Variants in GABRA3 observed in about 807,000 individuals in gnomAD.
The protein encoded by GABRA3 is gamma-aminobutyric acid type A receptor subunit alpha3, also known as gamma-aminobutyric acid receptor subunit alpha-3.
Under a neutral mutation model 30.1 loss-of-function variants are expected in GABRA3, and 10 were observed. That is an observed-to-expected ratio of 0.33 (90% CI 0.20 to 0.56). The LOEUF is 0.56. GABRA3 is among the 20% of genes least tolerant of loss of function. The pLI, the probability that GABRA3 is intolerant of heterozygous loss-of-function variation, is 0.89. For synonymous variants in GABRA3, 151 were observed against 146.8 expected (o/e 1.03, Z -0.21); for missense variants, 233 against 392.0 (o/e 0.59, Z 3.42).
At chrX:152,422,650 A>G (rs943914257) in intron 1 of GABRA3, among the ~76,000 whole-genome samples, 1 of 111,593 alleles carries the variant, frequency 9.0e-6, no homozygotes, top group East Asian at 2.8e-4. Context: ...GAAATATTTT[A>G]TAGATACTAG....
At chrX:152,300,817 T>C (rs1939617635) in intron 3 of GABRA3, among the ~76,000 whole-genome samples, 1 of 111,888 alleles carries the variant, frequency 8.9e-6, no homozygotes, top group African/African-American at 3.2e-5. Flanking sequence ...GGGAGGCTAA[T>C]AGAAATCATC....
intron 7 of GABRA3, among the ~76,000 whole-genome samples, chrX:152,199,190 C>T (rs1219445328): frequency 3.7e-5 from 4 of 109,071 alleles, no homozygotes; most frequent in Non-Finnish European, 7.6e-5. Context: ...CATGGTGAAA[C>T]CCCATCTCTA....
intron 4 of GABRA3, among the ~76,000 whole-genome samples, chrX:152,270,650 T>A (rs1336320553): frequency 9.2e-6 from 1 of 108,852 alleles, no homozygotes; most frequent in Non-Finnish European, 1.9e-5. Context: ...AGGTCAGGAG[T>A]TCAAGACCAG....
At chrX:152,275,450 T>C (rs376967977) in intron 4 of GABRA3, among the ~76,000 whole-genome samples, 2 of 106,093 alleles carry the variant, frequency 1.9e-5, no homozygotes, top group South Asian at 3.5e-4. Flanking sequence ...TATTTACATA[T>C]TTATTTTAAA....
intron 3 of GABRA3, among the ~76,000 whole-genome samples, chrX:152,301,777 C>A (rs1306017833): frequency 1.8e-5 from 2 of 111,145 alleles, no homozygotes; most frequent in Non-Finnish European, 3.8e-5. Flanking sequence ...CATGATCTGC[C>A]CACCTCAGCC....
At chrX:152,240,516 T>C (rs933535189) in intron 5 of GABRA3, among the ~76,000 whole-genome samples, 2 of 88,811 alleles carry the variant, frequency 2.3e-5, no homozygotes, top group Non-Finnish European at 4.1e-5. Flanking sequence ...GTGTTCTCTG[T>C]ATTTCCTGAA....
intron 9 of GABRA3, among the ~76,000 whole-genome samples, chrX:152,182,399 GTA>G (rs1239769608): frequency 1.1e-5 from 1 of 87,626 alleles, no homozygotes; most frequent in Non-Finnish European, 2.2e-5. Context: ...ATATACACTA[GTA>G]TATATAGACA....
chrX:152,178,271 T>C (rs962118379), intron 9 of GABRA3, among the ~76,000 whole-genome samples: 2 of 110,516 alleles, frequency 1.8e-5, no homozygotes, highest in Non-Finnish European at 3.8e-5. Context: ...TGTGTGCGTG[T>C]GTGTGTGTGT....
At chrX:152,186,206 GTTTATTTATTTA>G (rs201169733) in intron 9 of GABRA3, among the ~76,000 whole-genome samples, 2 of 109,466 alleles carry the variant, frequency 1.8e-5, no homozygotes, top group Non-Finnish European at 3.8e-5. Context: ...TTATTTAATT[GTTTATTTATTTA>G]TTTATTTATT....
At chrX:152,198,945 G>A (rs1441357214) in intron 7 of GABRA3, among the ~76,000 whole-genome samples, 2 of 112,144 alleles carry the variant, frequency 1.8e-5, no homozygotes, top group African/African-American at 6.5e-5. Context: ...TATTGCAGAT[G>A]TAGTTAGTTA....
At chrX:152,231,300 T>C (rs1938073271) in intron 5 of GABRA3, among the ~76,000 whole-genome samples, 4 of 109,255 alleles carry the variant, frequency 3.7e-5, no homozygotes, top group Admixed American at 2.9e-4. Context: ...CGTGTATATA[T>C]ACGTGTGTGT....
intron 1 of GABRA3, among the ~76,000 whole-genome samples, chrX:152,401,266 G>GTATATATATATA (rs747896105): frequency 2.3e-4 from 22 of 97,316 alleles, no homozygotes; most frequent in African/African-American, 8.3e-4. Context: ...TTTAATGTGT[G>GTATATATATATA]TATATATATA....
intron 9 of GABRA3, among the ~76,000 whole-genome samples, chrX:152,180,627 G>T (rs753667912): frequency 3.9e-4 from 44 of 111,890 alleles, no homozygotes; most frequent in Non-Finnish European, 6.4e-4. Flanking sequence ...GTTTCACAGA[G>T]ATTTTTTTCC....
chrX:152,265,177 A>C (rs995211803), intron 4 of GABRA3, among the ~76,000 whole-genome samples: 3 of 111,535 alleles, frequency 2.7e-5, no homozygotes, highest in Admixed American at 9.5e-5. Flanking sequence ...CTTTTCCTCC[A>C]ATGGTTGCAG....
chrX:152,448,811 T>C (rs1317568446), intron 1 of GABRA3, among the ~76,000 whole-genome samples: 1 of 111,143 alleles, frequency 9.0e-6, no homozygotes, highest in Non-Finnish European at 1.9e-5. Context: ...CCGGATGCCA[T>C]ATAGACATCC....
intron 1 of GABRA3, among the ~76,000 whole-genome samples, chrX:152,438,005 G>T (rs1254866063): frequency 8.9e-6 from 1 of 111,743 alleles, no homozygotes; most frequent in Non-Finnish European, 1.9e-5. Flanking sequence ...TCTGTGAAAC[G>T]CACTGTTAAG....
At chrX:152,314,994 G>C (rs745782105) in intron 3 of GABRA3, among the ~76,000 whole-genome samples, 6 of 111,016 alleles carry the variant, frequency 5.4e-5, no homozygotes, top group African/African-American at 2.0e-4. Flanking sequence ...ATGGTGGATA[G>C]GAGGCAGGAC....
chrX:152,279,381 T>G (rs779252562), intron 4 of GABRA3, among the ~76,000 whole-genome samples: 71 of 111,980 alleles, frequency 6.3e-4, no homozygotes, highest in African/African-American at 2.2e-3. Context: ...CTTTCCCCAT[T>G]TCTTGTTTTT....
rs570219151 is a variant in GABRA3, at chrX:152,390,722, G to A, written c.-26-26126C>T. ...AGAACATAGGCTGCCAACCATGATA[G>A]AGAATGAAGAAAAAATTCTAGTATA... On this transcript the variant is annotated intron_variant, in intron 1 of 9. Coordinates refer to ENST00000370314, the MANE Select transcript of GABRA3 (RefSeq NM_000808.4). Among the ~76,000 whole-genome samples the A allele has an allele frequency of 4.5e-5, 5 of 111,616 alleles. No individual in the cohort carries two copies. In the South Asian group the frequency reaches 1.9e-3, roughly 42 times the overall value.
Sources: gnomAD v4.1 joint callset for allele counts (sites outside exome capture counted in the v4.1 genomes callset) on GRCh38, gnomAD v4.1.1 for gene constraint, MANE v1.5 for transcripts, NCBI Gene and HGNC (gene_info 2026-07-23, HGNC 2026-07-21) for gene names.